Variants in PDS5A observed in about 807,000 individuals in gnomAD.
PDS5A encodes PDS5 cohesin associated factor A.
Under a neutral mutation model 167.1 loss-of-function variants are expected in PDS5A, and 42 were observed. That is an observed-to-expected ratio of 0.25 (90% CI 0.20 to 0.33). The LOEUF (loss-of-function observed/expected upper bound fraction) is 0.33. PDS5A is among the 10% of genes least tolerant of loss of function. The probability of loss-of-function intolerance (pLI) is 1.00; values close to 1 mark genes in which losing one functional copy is unlikely to be tolerated. For missense variants in PDS5A, 1,033 were observed against 1,605.9 expected (o/e 0.64, Z 6.10); for synonymous variants, 553 against 554.6 (o/e 1.00, Z 0.04).
At chr4:39,913,423 T>G (rs1241457776) in intron 9 of PDS5A, among the ~76,000 whole-genome samples, 188 bp downstream of exon 9, 1 of 152,138 alleles carries the variant, frequency 6.6e-6, no homozygotes, top group Non-Finnish European at 1.5e-5. Context: ...GTTACACAGA[T>G]AAAATACTAA....
chr4:39,888,219 T>C (rs78654359), intron 17 of PDS5A, among the ~76,000 whole-genome samples: 1,566 of 121,356 alleles, frequency 0.013, 35 homozygotes, highest in African/African-American at 0.048. Context: ...GCACTCCAGC[T>C]GGTGACAGAG....
intron 26 of PDS5A, among the ~76,000 whole-genome samples, chr4:39,853,240 A>C (rs1718268012): frequency 6.6e-6 from 1 of 152,184 alleles, no homozygotes; most frequent in Non-Finnish European, 1.5e-5. Context: ...ATCAACTCTT[A>C]ACAATTTTCC....
Position 39,863,935 on chromosome 4 carries a change from C to T in PDS5A, c.2643-476G>A, listed in dbSNP as rs577832904. Among the ~76,000 whole-genome samples the T allele has an allele frequency of 2.5e-4, 38 of 152,222 alleles. 1 individual carries two copies. The highest frequency in any genetic ancestry group is 6.5e-4 in the Admixed American group (10 of 15,276). ...CACGAGGTCAAGAGATTGAGACCAT[C>T]CTGGCCAACATGGTGAAACCCTGTT... On this transcript the variant is annotated intron_variant, in intron 23 of 32. Coordinates refer to ENST00000303538, the MANE Select transcript of PDS5A (RefSeq NM_001100399.2).
rs187996816 is a variant in PDS5A, at chr4:39,973,590, C to T, written c.138+2850G>A. 338 of 1,265,168 alleles carry T rather than the reference C, an allele frequency of 2.7e-4. No homozygotes were observed. In the African/African-American group the frequency reaches 4.3e-3, roughly 16 times the overall value. 78.4% of individuals were successfully genotyped at this position (1,265,168 alleles called of 1,614,324 possible). A position where few individuals can be genotyped will look rare whatever the true frequency, so the allele number is the denominator to read the frequency against. On this transcript the variant is annotated intron_variant, in intron 2 of 32. Transcript: ENST00000303538. ...GTGGTCACAGCAAAGGGTTTGGTTT[C>T]GTATGTTTCTCCTTCCCGGAAGAAG...
intron 8 of PDS5A, among the ~76,000 whole-genome samples, chr4:39,916,516 T>G (rs542849246): frequency 6.6e-6 from 1 of 152,328 alleles, no homozygotes; most frequent in Admixed American, 6.5e-5. Flanking sequence ...AATACCATTT[T>G]TCCTATCTAT....
chr4:39,961,558 G>A (rs1175035528), intron 2 of PDS5A, among the ~76,000 whole-genome samples: 2 of 152,124 alleles, frequency 1.3e-5, no homozygotes, highest in African/African-American at 2.4e-5. Flanking sequence ...ACCGTGCCTG[G>A]CCATCTTTCC....
chr4:39,873,187 A>C, intron 20 of PDS5A, 43 bp from the exon 21 acceptor site: 4 of 1,231,848 alleles, frequency 3.2e-6, no homozygotes, highest in Non-Finnish European at 4.4e-6. Context: ...TGTTTGATAA[A>C]TATCTAGACA....
intron 21 of PDS5A, among the ~76,000 whole-genome samples, chr4:39,870,705 C>CA (rs1407655237): frequency 3.9e-5 from 6 of 152,120 alleles, no homozygotes; most frequent in African/African-American, 1.4e-4. Flanking sequence ...ATATCCTTGA[C>CA]ATCATCATTC....
chr4:39,845,902 AAG>A, intron 28 of PDS5A, 22 bp from the exon 29 acceptor site: 1 of 1,328,408 alleles, frequency 7.5e-7, no homozygotes, highest in Non-Finnish European at 9.8e-7. Flanking sequence ...AAAAAAGAAA[AAG>A]AAAAAAGAAA....
chr4:39,900,390 T>A lies in PDS5A; in HGVS notation c.1581+36A>T, dbSNP rs776135842. The A allele has an allele frequency of 2.9e-5, 39 of 1,322,496 alleles. No individual in the cohort carries two copies. The East Asian group carries it at 9.6e-4, about 32-fold the overall frequency. The allele number at this position is 1,322,496 out of a possible 1,614,324, so 81.9% of individuals were successfully genotyped here. On this transcript the variant is annotated intron_variant, in intron 14 of 32. Coordinates refer to ENST00000303538, the MANE Select transcript of PDS5A (RefSeq NM_001100399.2). ...CTACAGAAAATCTGAACAGTGACTA[T>A]AATAAACTATGAATTTAAACAAATC...
intron 2 of PDS5A, among the ~76,000 whole-genome samples, chr4:39,961,844 T>C (rs1272011179): frequency 6.6e-6 from 1 of 152,242 alleles, no homozygotes; most frequent in Non-Finnish European, 1.5e-5. Flanking sequence ...ACAAGATATA[T>C]AAATCATAGT....
Position 39,976,513 on chromosome 4 carries a change from T to C in PDS5A, c.65A>G (p.Lys22Arg), listed in dbSNP as rs1731099760. 6.2e-7 allele frequency: 1 copy of C among 1,613,546 alleles called. No individual in the cohort carries two copies. The highest frequency in any genetic ancestry group is 8.5e-7 in the Non-Finnish European group (1 of 1,179,524). Residue 22 changes from lysine to arginine, a missense_variant, in exon 2 of 33, where the codon AAG becomes AGG. Lys to Arg is a conservative substitution (Grantham distance 26, BLOSUM62 2). Transcript: ENST00000303538. ...ALCGVVSADG[K>R]IAYPPGVKEI... ...TTTTACCCCCGGAGGGTAAGCGATC[T>C]TCCCGTCGGCACTCACGACGCCACA...
intron 2 of PDS5A, among the ~76,000 whole-genome samples, chr4:39,963,599 A>C (rs2109811912): frequency 6.6e-6 from 1 of 152,280 alleles, no homozygotes; most frequent in East Asian, 1.9e-4. Flanking sequence ...TAATCCCAAC[A>C]CTTTGGGAGG....
intron 23 of PDS5A, among the ~76,000 whole-genome samples, chr4:39,865,812 G>A (rs1480884645): frequency 6.6e-6 from 1 of 152,164 alleles, no homozygotes; most frequent in African/African-American, 2.4e-5. Context: ...CATAAAGAAT[G>A]ATTAAACCTC....
At chr4:39,846,748 T>C (rs2109508499) in intron 28 of PDS5A, 1 of 152,298 alleles carries the variant, frequency 6.6e-6, no homozygotes, top group East Asian at 1.9e-4. Flanking sequence ...TCAGGAAATA[T>C]AATTAAGTTT....
At chr4:39,968,646 G>A (rs1004179003) in intron 2 of PDS5A, among the ~76,000 whole-genome samples, 1 of 151,514 alleles carries the variant, frequency 6.6e-6, no homozygotes, top group Non-Finnish European at 1.5e-5. Flanking sequence ...TGGTCAGGCT[G>A]GTCTCGAACT....
rs368844414 is a variant in PDS5A, at chr4:39,878,078, T to G, written c.1993-925A>C. Among the ~76,000 whole-genome samples, 195 of 152,218 alleles carry G rather than the reference T, an allele frequency of 1.3e-3. 2 individuals carry two copies. The South Asian group carries it at 0.039, about 31-fold the overall frequency. On this transcript the variant is annotated intron_variant, in intron 18 of 32. Transcript: ENST00000303538. Reference sequence around the variant, plus strand: ...TCTAAAGAGTTAACCTTCCATAAAGTAGAAACAATTCAGTTAGTGTAGTAT... The same window carrying G: ...TCTAAAGAGTTAACCTTCCATAAAGGAGAAACAATTCAGTTAGTGTAGTAT...
At chr4:39,864,712 A>T (rs951672082) in intron 23 of PDS5A, among the ~76,000 whole-genome samples, 16 of 152,210 alleles carry the variant, frequency 1.1e-4, no homozygotes, top group African/African-American at 3.6e-4. Flanking sequence ...TTCATTCAGG[A>T]ATCAAAGTTA....
chr4:39,880,785 T>C lies in PDS5A; in HGVS notation c.1887-952A>G, dbSNP rs191575989. On this transcript the variant is annotated intron_variant, in intron 17 of 32. Transcript: ENST00000303538. ...ACACATCCATTATCTTAAACACTTA[T>C]CATTTCTTTGTGTTGGGAACATTCA... Among the ~76,000 whole-genome samples, 125 of 152,312 alleles carry C rather than the reference T, an allele frequency of 8.2e-4. 1 individual carries two copies. Among genetic ancestry groups the C allele is most frequent in the African/African-American group, 2.9e-3 (121 of 41,582 alleles).
Sources: allele counts gnomAD v4.1 joint callset (sites outside exome capture counted in the v4.1 genomes callset), GRCh38; gene constraint gnomAD v4.1.1; transcripts MANE v1.5; gene names NCBI Gene and HGNC (gene_info 2026-07-23, HGNC 2026-07-21).